DPYD: variants seen among roughly 807,000 people sequenced by gnomAD.
The protein encoded by DPYD is dihydropyrimidine dehydrogenase [NADP(+)].
DPYD carries 109 observed loss-of-function variants against 116.2 expected under a neutral mutation model. The ratio of observed to expected loss-of-function variants is 0.94; its 90% CI spans 0.80 to 1.10. The LOEUF is 1.10. Among genes scored for constraint, DPYD ranks in the 50% least tolerant of loss-of-function variants. The probability of loss-of-function intolerance (pLI) is 0.00; values close to 1 mark genes in which losing one functional copy is unlikely to be tolerated. For synonymous variants in DPYD, 440 were observed against 432.0 expected (o/e 1.02, Z -0.23); for missense variants, 1,302 against 1,254.5 (o/e 1.04, Z -0.57).
chr1:97,232,823 C>T (rs1168160138), intron 19 of DPYD, among the ~76,000 whole-genome samples: 3 of 152,068 alleles, frequency 2.0e-5, no homozygotes, highest in Non-Finnish European at 4.4e-5. Flanking sequence ...CTTGTAGTTG[C>T]TTGTTAATGC....
At chr1:97,750,753 T>C (rs12144395) in intron 3 of DPYD, among the ~76,000 whole-genome samples, 1,771 of 152,286 alleles carry the variant, frequency 0.012, 14 homozygotes, top group Non-Finnish European at 0.018. Flanking sequence ...GGCTCAAGTA[T>C]ACATGGGCTT....
chr1:97,659,075 T>C (rs1659104802), intron 8 of DPYD, among the ~76,000 whole-genome samples: 1 of 152,122 alleles, frequency 6.6e-6, no homozygotes, highest in Non-Finnish European at 1.5e-5. Flanking sequence ...CACTTAAAAG[T>C]CATCCCAGGA....
At position 97,224,410 on chromosome 1, in the gene DPYD, A is replaced by T. The variant is rs191507469; in HGVS notation, c.2442+10442T>A. ...TTTAAAATTATACAGATTTAAGTGT[A>T]CTGCATGATGTTTTGTTATACATAT... On this transcript the variant is annotated intron_variant, in intron 19 of 22. Coordinates refer to ENST00000370192, the MANE Select transcript of DPYD (RefSeq NM_000110.4). Among the ~76,000 whole-genome samples, 3 of 152,166 alleles carry T rather than the reference A, an allele frequency of 2.0e-5. No individual in the cohort carries two copies. In the East Asian group the frequency reaches 5.8e-4, roughly 29 times the overall value.
chr1:97,238,066 G>T (rs1491001275), intron 18 of DPYD, among the ~76,000 whole-genome samples: 2 of 151,952 alleles, frequency 1.3e-5, no homozygotes, highest in Non-Finnish European at 2.9e-5. Flanking sequence ...TATTACACAG[G>T]TGTTAAAAAA....
intron 13 of DPYD, among the ~76,000 whole-genome samples, chr1:97,483,545 G>A (rs542656439): frequency 6.6e-6 from 1 of 152,164 alleles, no homozygotes; most frequent in African/African-American, 2.4e-5. Context: ...AACGCATGCT[G>A]GGCTTAATAC....
chr1:97,724,953 AAGAGAGAGAGAGAG>A (rs71590231), intron 4 of DPYD, among the ~76,000 whole-genome samples: 2 of 118,826 alleles, frequency 1.7e-5, no homozygotes, highest in Admixed American at 9.2e-5. Flanking sequence ...GAGGGAAGGA[AAGAGAGAGAGAGAG>A]AGAGAGAGAG....
intron 14 of DPYD, among the ~76,000 whole-genome samples, chr1:97,397,345 A>G (rs1260691170): frequency 7.2e-5 from 11 of 152,080 alleles, no homozygotes; most frequent in Admixed American, 6.6e-4. Context: ...TTATATGTAT[A>G]TGAACCTATA....
intron 14 of DPYD, among the ~76,000 whole-genome samples, chr1:97,387,541 T>C (rs1048256561): frequency 3.3e-5 from 5 of 152,070 alleles, no homozygotes; most frequent in African/African-American, 1.2e-4. Context: ...CTATTTATAA[T>C]ATTATTTTTA....
chr1:97,187,750 T>C (rs1205540784), intron 20 of DPYD, among the ~76,000 whole-genome samples: 2 of 152,146 alleles, frequency 1.3e-5, no homozygotes, highest in Admixed American at 1.3e-4. Flanking sequence ...TTTTTAAATA[T>C]GGTTAGAGGT....
intron 21 of DPYD, among the ~76,000 whole-genome samples, chr1:97,095,627 T>G (rs1401253222): frequency 6.6e-6 from 1 of 151,782 alleles, no homozygotes; most frequent in Admixed American, 6.6e-5. Flanking sequence ...TGTGTGTGTA[T>G]GTATATGTAT....
chr1:97,795,474 A>G (rs1286378362), intron 3 of DPYD, among the ~76,000 whole-genome samples: 1 of 152,050 alleles, frequency 6.6e-6, no homozygotes, highest in Non-Finnish European at 1.5e-5. Context: ...TGCTAACAGA[A>G]TACATAAAAT....
chr1:97,264,439 G>A (rs1285845356), intron 18 of DPYD, among the ~76,000 whole-genome samples: 1 of 151,710 alleles, frequency 6.6e-6, no homozygotes, highest in East Asian at 1.9e-4. Context: ...TCCCTGCTTG[G>A]TCTCCCAAAG....
intron 15 of DPYD, among the ~76,000 whole-genome samples, chr1:97,374,702 G>A (rs1242739742): frequency 8.7e-5 from 9 of 103,158 alleles, no homozygotes; most frequent in African/African-American, 3.3e-4. Context: ...CTGGGAAAGA[G>A]CAAGACTCCG....
intron 20 of DPYD, among the ~76,000 whole-genome samples, chr1:97,112,379 CAT>C (rs1291355856): frequency 6.6e-6 from 1 of 152,052 alleles, no homozygotes; most frequent in East Asian, 1.9e-4. Context: ...TTGTGCTCCA[CAT>C]GTTTAAATAA....
intron 12 of DPYD, among the ~76,000 whole-genome samples, chr1:97,541,157 C>T (rs1650423971): frequency 6.6e-6 from 1 of 152,094 alleles, no homozygotes; most frequent in Non-Finnish European, 1.5e-5. Context: ...CCCTGTATAC[C>T]TACGAAATTT....
At chr1:97,857,947 T>C (rs149964377) in intron 2 of DPYD, among the ~76,000 whole-genome samples, 1 of 152,054 alleles carries the variant, frequency 6.6e-6, no homozygotes, top group East Asian at 2.0e-4. Flanking sequence ...GCTTGGTGTA[T>C]GGGGCTTCTT....
At chr1:97,674,909 G>A (rs1368629041) in intron 8 of DPYD, among the ~76,000 whole-genome samples, 1 of 152,130 alleles carries the variant, frequency 6.6e-6, no homozygotes, top group African/African-American at 2.4e-5. Flanking sequence ...TAGGTGTTGA[G>A]TATACTATGG....
At chr1:97,375,635 C>T (rs549042709) in intron 15 of DPYD, among the ~76,000 whole-genome samples, 24 of 152,212 alleles carry the variant, frequency 1.6e-4, no homozygotes, top group South Asian at 2.1e-4. Context: ...TCTAATCTTA[C>T]GCCTGTAGCT....
At chr1:97,121,191 G>A (rs1349101714) in intron 20 of DPYD, among the ~76,000 whole-genome samples, 1 of 152,116 alleles carries the variant, frequency 6.6e-6, no homozygotes, top group African/African-American at 2.4e-5. Flanking sequence ...CCCCTGAGCA[G>A]GTGAGGACCT....
Sources: gnomAD v4.1 joint callset for allele counts (sites outside exome capture counted in the v4.1 genomes callset) on GRCh38, gnomAD v4.1.1 for gene constraint, MANE v1.5 for transcripts, NCBI Gene and HGNC (gene_info 2026-07-23, HGNC 2026-07-21) for gene names.